PDE6B: variants seen among roughly 807,000 people sequenced by gnomAD.
PDE6B encodes the protein phosphodiesterase 6B.
In PDE6B, 106 loss-of-function variants were observed where a neutral mutation model predicts 109.0. The ratio of observed to expected loss-of-function variants is 0.97; its 90% confidence interval spans 0.83 to 1.14. The LOEUF is 1.14. Among genes scored for constraint, PDE6B ranks in the 50% most tolerant of loss-of-function variants. The probability of loss-of-function intolerance (pLI) is 0.00; values close to 1 mark genes in which losing one functional copy is unlikely to be tolerated. For synonymous variants in PDE6B, 490 were observed against 471.3 expected (o/e 1.04, Z -0.51); for missense variants, 1,193 against 1,155.6 (o/e 1.03, Z -0.47).
Position 663,860 on chromosome 4 carries a change from C to T in PDE6B, c.2011C>T (p.Leu671=). The part of the protein sequence containing the change: ...DIAIIATDLA[L]YFKKRAMFQK... ...CGCCATCATCGCCACGGACCTGGCC[C>T]TGTACTTCAAGTGCGCGCCTTCCGG... Residue 671 remains leucine (L), a synonymous_variant, in exon 16 of 22, where the codon CTG becomes TTG. Transcript: ENST00000496514. This position sits in a 1 kb window ranked among gnomAD's most constrained non-coding sequence, Gnocchi z 4.0. 6.2e-7 allele frequency: 1 copy of T among 1,609,022 alleles called. No homozygotes were observed.
chr4:670,287 G>A lies in PDE6B; in HGVS notation c.*180G>A. 1 of 859,334 alleles carries A rather than the reference G, an allele frequency of 1.2e-6. No homozygotes were observed. Among genetic ancestry groups the A allele is most frequent in the Admixed American group, 3.1e-5 (1 of 32,392 alleles). 53.2% of individuals were successfully genotyped at this position (859,334 alleles called of 1,614,324 possible). On this transcript the variant is annotated 3_prime_UTR_variant, in exon 22 of 22. Transcript: ENST00000496514. ...AGATGGAGTCTTGCTCTGTCACCCA[G>A]GCTGGAGTGCCGTGGCACGATCTCA...
Position 636,301 on chromosome 4 carries a change from C to A in PDE6B, c.711+332C>A, listed in dbSNP as rs1734677149. Among the ~76,000 whole-genome samples, 1 of 152,170 alleles carries A rather than the reference C, an allele frequency of 6.6e-6. No homozygotes were observed. The highest frequency in any genetic ancestry group is 2.4e-5 in the African/African-American group (1 of 41,434). ...CGAGTGAGCAGGGAGCAGAGGGGCT[C>A]CCTGGCAGGTCCAGCCCTGGTTGAG... is the stretch of plus-strand genomic sequence containing the variant. On this transcript the variant is annotated intron_variant, in intron 3 of 21. Transcript: ENST00000496514. The surrounding 1 kb of genome is among the most constrained non-coding windows in gnomAD (Gnocchi z 4.5).
At position 653,809 on chromosome 4, in the gene PDE6B, G is replaced by A. The variant is rs576103378; in HGVS notation, c.712-43G>A. The A allele has an allele frequency of 1.1e-5, 17 of 1,610,490 alleles. No individual in the cohort carries two copies. In the East Asian group the frequency reaches 3.6e-4, roughly 34 times the overall value. On this transcript the variant is annotated intron_variant, in intron 3 of 21. Coordinates refer to ENST00000496514, the MANE Select transcript of PDE6B (RefSeq NM_000283.4). ...GCTGCTGTGGTCAGACCGGCGTGAGGGTGGGAGTGGCCACAGGCCCACAGG... is the reference window on the plus strand; with the variant it reads ...GCTGCTGTGGTCAGACCGGCGTGAGAGTGGGAGTGGCCACAGGCCCACAGG...
rs754933557 is a variant in PDE6B, at chr4:663,908, G to A, written c.2021+38G>A. On this transcript the variant is annotated intron_variant, in intron 16 of 21. Coordinates refer to ENST00000496514, the MANE Select transcript of PDE6B (RefSeq NM_000283.4). The surrounding 1 kb of genome is among the most constrained non-coding windows in gnomAD (Gnocchi z 4.0). ...CGGGAGGGGGCGCCTCGCGGGGCGGGCGGGTAGCCTGGGACCCCCGGCAGA... is the reference window on the plus strand; with the variant it reads ...CGGGAGGGGGCGCCTCGCGGGGCGGACGGGTAGCCTGGGACCCCCGGCAGA... 2.1e-5 allele frequency: 31 copies of A among 1,502,348 alleles called. No individual in the cohort carries two copies. The highest frequency in any genetic ancestry group is 2.4e-5 in the East Asian group (1 of 41,448). The allele number at this position is 1,502,348 out of a possible 1,614,324, so 93.1% of individuals were successfully genotyped here. A position where few individuals can be genotyped will look rare whatever the true frequency, so the allele number is the denominator to read the frequency against.
rs373037737 is a variant in PDE6B at position 663,803 on chromosome 4, C to T, written c.1954C>T (p.Gln652Ter). The T allele has an allele frequency of 3.1e-5, 50 of 1,612,120 alleles. No homozygotes were observed. Among genetic ancestry groups the T allele is most frequent in the African/African-American group, 5.3e-5 (4 of 74,912 alleles). Residue 652 changes from glutamine to a stop codon, truncating the protein, a stop_gained, in exon 16 of 22, where the codon CAG becomes TAG. Transcript: ENST00000496514. LOFTEE classifies it high-confidence loss of function. This position sits in a 1 kb window ranked among gnomAD's most constrained non-coding sequence, Gnocchi z 4.0. ...LNIYQNLNRRQHEHVIHLMDI... is the reference protein window; with the variant it reads ...LNIYQNLNRR Reference sequence around the variant, plus strand: ...CATCTACCAGAACCTGAACCGGCGGCAGCACGAGCACGTGATCCACCTGAT... The same window carrying T: ...CATCTACCAGAACCTGAACCGGCGGTAGCACGAGCACGTGATCCACCTGAT...
At chr4:659,698 T>G (rs761051097) in intron 11 of PDE6B, among the ~76,000 whole-genome samples, 214 of 149,308 alleles carry the variant, frequency 1.4e-3, no homozygotes, top group Middle Eastern at 7.2e-3. Flanking sequence ...ACATGGGCGT[T>G]TGTGTGTGTG....
rs746967363 is a variant in PDE6B at position 648,820 on chromosome 4, T to C, written c.712-5032T>C. On this transcript the variant is annotated intron_variant, in intron 3 of 21. Coordinates refer to ENST00000496514, the MANE Select transcript of PDE6B (RefSeq NM_000283.4). The surrounding 1 kb of genome is among the most constrained non-coding windows in gnomAD (Gnocchi z 4.5). ...GGGTGCAGGGCTGCAGCTCTCACCT[T>C]CAGGCCGGCCATGCGTCAGGACCCG... Among the ~76,000 whole-genome samples the C allele has an allele frequency of 6.6e-6, 1 of 152,246 alleles. No individual in the cohort carries two copies. Among genetic ancestry groups the C allele is most frequent in the Non-Finnish European group, 1.5e-5 (1 of 68,046 alleles).
chr4:670,587 T>C lies in PDE6B; in HGVS notation c.*480T>C. On this transcript the variant is annotated 3_prime_UTR_variant, in exon 22 of 22. Transcript: ENST00000496514. ...AACTGTGAATAAACTGTAGCCTACATTACTCATCCATTTTTGGATAGTTAC... is the reference window on the plus strand; with the variant it reads ...AACTGTGAATAAACTGTAGCCTACACTACTCATCCATTTTTGGATAGTTAC... 1 of 198,162 alleles carries C rather than the reference T, an allele frequency of 5.0e-6. No homozygotes were observed. Among genetic ancestry groups the C allele is most frequent in the Non-Finnish European group, 1.1e-5 (1 of 94,748 alleles). 12.3% of individuals were successfully genotyped at this position (198,162 alleles called of 1,614,324 possible). A position where few individuals can be genotyped will look rare whatever the true frequency, so the allele number is the denominator to read the frequency against.
rs1341905380 is a variant in PDE6B, at chr4:652,479, G to A, written c.712-1373G>A. 8 of 984,798 alleles carry A rather than the reference G, an allele frequency of 8.1e-6. No homozygotes were observed. In the Admixed American group the frequency reaches 4.9e-4, roughly 61 times the overall value. The allele number at this position is 984,798 out of a possible 1,614,324, so 61.0% of individuals were successfully genotyped here. ...AAGGGTGCAAAGCGTTCGTTAGCTG[G>A]AGCTGTGGGCTTCAAGGTCAGCCGC... On this transcript the variant is annotated intron_variant, in intron 3 of 21. Transcript: ENST00000496514.
intron 11 of PDE6B, among the ~76,000 whole-genome samples, chr4:659,672 G>A (rs544187709): frequency 1.3e-5 from 2 of 151,408 alleles, no homozygotes; most frequent in South Asian, 2.1e-4. Context: ...ACGAGTATGT[G>A]TGTGCATGTG....
At chr4:660,726 G>A in intron 12 of PDE6B, 113 bp downstream of exon 12, 1 of 905,614 alleles carries the variant, frequency 1.1e-6, no homozygotes, top group Non-Finnish European at 1.8e-6. Flanking sequence ...TGGGATTGGG[G>A]GTTCCAGATC....
At position 625,622 on chromosome 4, in the gene PDE6B, C is replaced by T. The variant is rs1427415209; in HGVS notation, c.-5C>T. 1 of 1,601,452 alleles carries T rather than the reference C, an allele frequency of 6.2e-7. No homozygotes were observed. The highest frequency in any genetic ancestry group is 1.7e-5 in the Admixed American group (1 of 60,018). On this transcript the variant is annotated 5_prime_UTR_variant, in exon 1 of 22. Coordinates refer to ENST00000496514, the MANE Select transcript of PDE6B (RefSeq NM_000283.4). This position sits in a 1 kb window ranked among gnomAD's most constrained non-coding sequence, Gnocchi z 5.0. ...CAGCAGCGTCTCCAGGGACAGGCAG[C>T]CACCATGAGCCTCAGTGAGGAGCAG...
At chr4:651,114 CG>C (rs1372897017) in intron 3 of PDE6B, among the ~76,000 whole-genome samples, 1 of 143,782 alleles carries the variant, frequency 7.0e-6, no homozygotes, top group East Asian at 2.1e-4. Context: ...GCTGAGGTGG[CG>C]ATGTCAACAG....
chr4:645,512 G>A (rs1422791014), intron 3 of PDE6B, among the ~76,000 whole-genome samples: 1 of 151,396 alleles, frequency 6.6e-6, no homozygotes, highest in Non-Finnish European at 1.5e-5. Context: ...AGCCAGGATG[G>A]TCTCGATCTC....
At chr4:667,625 C>T (rs1271076482) in intron 20 of PDE6B, among the ~76,000 whole-genome samples, 3 of 152,198 alleles carry the variant, frequency 2.0e-5, no homozygotes, top group African/African-American at 7.2e-5. Flanking sequence ...CTCCCTGCAA[C>T]ACTGCACCCT....
At chr4:641,794 G>A (rs1414610989) in intron 3 of PDE6B, among the ~76,000 whole-genome samples, 1 of 152,102 alleles carries the variant, frequency 6.6e-6, no homozygotes, top group Non-Finnish European at 1.5e-5. Flanking sequence ...CTACTGATGT[G>A]CATCACCATG....
chr4:662,440 C>T lies in PDE6B; in HGVS notation c.1723-69C>T, dbSNP rs1310204796. On this transcript the variant is annotated intron_variant, in intron 13 of 21. Coordinates refer to ENST00000496514, the MANE Select transcript of PDE6B (RefSeq NM_000283.4). The surrounding 1 kb of genome is among the most constrained non-coding windows in gnomAD (Gnocchi z 4.3). ...ACCTCCAACCCGACGCCTAGGTCAT[C>T]CCAACCCCTCACCACTCCCCACCCT... is the stretch of plus-strand genomic sequence containing the variant. 7.8e-6 allele frequency: 9 copies of T among 1,146,906 alleles called. No individual in the cohort carries two copies. The African/African-American group carries it at 1.2e-4, about 15-fold the overall frequency. The allele number at this position is 1,146,906 out of a possible 1,614,324, so 71.0% of individuals were successfully genotyped here.
chr4:660,418 T>TG, intron 11 of PDE6B, 49 bp from the exon 12 acceptor site: 3 of 1,594,700 alleles, frequency 1.9e-6, no homozygotes, highest in Non-Finnish European at 8.6e-7. Context: ...GAGAAGCAAG[T>TG]GGGGGCTGTG....
At chr4:669,944 T>A (rs1738326639) in intron 21 of PDE6B, 102 bp from the exon 22 acceptor site, 1 of 955,772 alleles carries the variant, frequency 1.0e-6, no homozygotes, top group Non-Finnish European at 1.7e-6. Context: ...GTGCTGTCCT[T>A]CCTCCTGCAG....
Sources: allele counts gnomAD v4.1 joint callset (sites outside exome capture counted in the v4.1 genomes callset), GRCh38; gene constraint gnomAD v4.1.1; non-coding constraint Gnocchi (gnomAD v3.1); transcripts MANE v1.5; gene names NCBI Gene and HGNC (gene_info 2026-07-23, HGNC 2026-07-21).